NXPE2: variants seen among roughly 807,000 people sequenced by gnomAD.
NXPE2 encodes NXPE family member 2.
Under a neutral mutation model 34.4 loss-of-function variants are expected in NXPE2, and 34 were observed. The ratio of observed to expected loss-of-function variants is 0.99; its 90% CI spans 0.75 to 1.31. The LOEUF (loss-of-function observed/expected upper bound fraction) is 1.31. Ranked by LOEUF, NXPE2 falls within the 40% of genes most tolerant of loss-of-function variation. The pLI is 0.00. For missense variants in NXPE2, 649 were observed against 672.5 expected (o/e 0.97, Z 0.39); for synonymous variants, 235 against 231.3 (o/e 1.02, Z -0.15).
At chr11:114,630,986 A>G in the NXPE2 span, among the ~76,000 whole-genome samples, 1 of 150,922 alleles carries the variant, frequency 6.6e-6, no homozygotes, top group Non-Finnish European at 1.5e-5. Context: ...ACCATCTCAC[A>G]CCAGTTAGAA....
the NXPE2 span, among the ~76,000 whole-genome samples, chr11:114,566,460 A>G: frequency 0.21 from 31,664 of 152,128 alleles, 4,373 homozygotes; most frequent in African/African-American, 0.38. Context: ...AATTGGGTCA[A>G]ACACTACTGA....
the NXPE2 span, among the ~76,000 whole-genome samples, chr11:114,550,002 C>T: frequency 2.6e-5 from 4 of 152,118 alleles, no homozygotes; most frequent in Admixed American, 6.5e-5. Flanking sequence ...CTTAAGTGTA[C>T]ATTTAGCACA....
At chr11:114,661,611 G>C in the NXPE2 span, among the ~76,000 whole-genome samples, 1 of 152,176 alleles carries the variant, frequency 6.6e-6, no homozygotes, top group East Asian at 1.9e-4. Flanking sequence ...ATAGAACAAG[G>C]ACAAAACCTT....
chr11:114,791,178 T>C, the NXPE2 span, among the ~76,000 whole-genome samples: 7 of 151,022 alleles, frequency 4.6e-5, no homozygotes, highest in African/African-American at 1.7e-4. Flanking sequence ...AATGATTCCG[T>C]TTGAAAAAAA....
the NXPE2 span, among the ~76,000 whole-genome samples, chr11:114,742,392 C>A: frequency 6.6e-6 from 1 of 152,220 alleles, no homozygotes; most frequent in Non-Finnish European, 1.5e-5. Flanking sequence ...CCCAACCACT[C>A]AGCTACACAG....
chr11:114,537,770 T>G, the NXPE2 span, among the ~76,000 whole-genome samples: 38 of 151,316 alleles, frequency 2.5e-4, no homozygotes, highest in Non-Finnish European at 4.3e-4. Context: ...CACTGCTCAA[T>G]GAAATAAAAG....
chr11:114,569,661 G>A, the NXPE2 span, among the ~76,000 whole-genome samples: 5 of 152,138 alleles, frequency 3.3e-5, no homozygotes, highest in Non-Finnish European at 7.4e-5. Flanking sequence ...TGGGTCTTGC[G>A]CTGTCACTCT....
At chr11:114,533,398 G>A in the NXPE2 span, among the ~76,000 whole-genome samples, 1 of 152,180 alleles carries the variant, frequency 6.6e-6, no homozygotes, top group Non-Finnish European at 1.5e-5. Flanking sequence ...TTCCAACTGA[G>A]GTACTTGGTT....
At chr11:114,605,483 C>T in the NXPE2 span, among the ~76,000 whole-genome samples, 1 of 151,668 alleles carries the variant, frequency 6.6e-6, no homozygotes, top group Admixed American at 6.6e-5. Flanking sequence ...ACCACAGTTA[C>T]CCGGTGGATA....
the NXPE2 span, among the ~76,000 whole-genome samples, chr11:114,725,158 G>A: frequency 1.1e-4 from 17 of 152,106 alleles, no homozygotes; most frequent in East Asian, 3.3e-3. Context: ...CAAGGACAGC[G>A]AAGATACTCT....
downstream of NXPE2, among the ~76,000 whole-genome samples, chr11:114,708,844 G>C (rs1457410514): frequency 6.6e-6 from 1 of 152,108 alleles, no homozygotes. Context: ...GCTTAAATGA[G>C]TTATCGTTTT....
chr11:114,643,405 C>A, the NXPE2 span, among the ~76,000 whole-genome samples: 1 of 152,006 alleles, frequency 6.6e-6, no homozygotes, highest in Non-Finnish European at 1.5e-5. Context: ...ACATTTAAGT[C>A]TTTAATTCAT....
the NXPE2 span, among the ~76,000 whole-genome samples, chr11:114,811,805 A>G: frequency 6.6e-6 from 1 of 152,182 alleles, no homozygotes; most frequent in Non-Finnish European, 1.5e-5. Context: ...TGCAGTTAGT[A>G]TGGGTTGCAT....
chr11:114,710,978 T>C (rs1859600397), downstream of NXPE2, among the ~76,000 whole-genome samples: 1 of 151,920 alleles, frequency 6.6e-6, no homozygotes, highest in South Asian at 2.1e-4. Context: ...ATTAACAAAA[T>C]AAGGAACAAA....
chr11:114,785,643 C>G, the NXPE2 span, among the ~76,000 whole-genome samples: 8 of 152,152 alleles, frequency 5.3e-5, no homozygotes, highest in Non-Finnish European at 1.2e-4. Context: ...AATTCCCTCC[C>G]TCTCTGGGTA....
chr11:114,488,601 A>C, the NXPE2 span, among the ~76,000 whole-genome samples: 3 of 152,222 alleles, frequency 2.0e-5, no homozygotes. Flanking sequence ...CCTGCTCCTG[A>C]ATGACTACTG....
chr11:114,492,817 G>A, the NXPE2 span, among the ~76,000 whole-genome samples: 1 of 152,150 alleles, frequency 6.6e-6, no homozygotes. Context: ...GGGATTACAG[G>A]CATGAGCCAC....
chr11:114,542,474 A>T, the NXPE2 span, among the ~76,000 whole-genome samples: 1 of 152,202 alleles, frequency 6.6e-6, no homozygotes, highest in African/African-American at 2.4e-5. Context: ...TACAGAAATA[A>T]GTCTAAATTA....
the NXPE2 span, among the ~76,000 whole-genome samples, chr11:114,721,327 G>A: frequency 2.2e-4 from 33 of 151,762 alleles, no homozygotes; most frequent in Non-Finnish European, 4.6e-4. Context: ...TTCAGAGCAG[G>A]ACCATAATGG....
Sources: allele counts gnomAD v4.1 joint callset (sites outside exome capture counted in the v4.1 genomes callset), GRCh38; gene constraint gnomAD v4.1.1; transcripts MANE v1.5; gene names NCBI Gene and HGNC (gene_info 2026-07-23, HGNC 2026-07-21).